The following CEP83 variants were observed in gnomAD, a reference collection of about 807,000 sequenced individuals.
The protein encoded by CEP83 is centrosomal protein 83.
In CEP83, 70 loss-of-function variants were observed where a neutral mutation model predicts 101.9. The observed-to-expected ratio is 0.69, with a 90% CI of 0.57 to 0.84. CEP83 has a LOEUF of 0.84. Ranked by LOEUF, CEP83 falls within the 40% of genes least tolerant of loss-of-function variation. The probability of loss-of-function intolerance (pLI) is 0.00; values close to 1 mark genes in which losing one functional copy is unlikely to be tolerated. For synonymous variants in CEP83, 264 were observed against 267.9 expected (o/e 0.99, Z 0.14); for missense variants, 715 against 787.2 (o/e 0.91, Z 1.10).
chr12:94,433,571 C>T (rs1333325784), intron 2 of CEP83, among the ~76,000 whole-genome samples: 1 of 151,784 alleles, frequency 6.6e-6, no homozygotes, highest in East Asian at 1.9e-4. Flanking sequence ...GTCCCAGCTA[C>T]TCAGGTGGCT....
rs1403568522 is a variant in CEP83 at position 94,412,569 on chromosome 12, A to G, written c.-79T>C. 6.2e-5 allele frequency: 84 copies of G among 1,354,144 alleles called. No individual in the cohort carries two copies. Among genetic ancestry groups the G allele is most frequent in the Non-Finnish European group, 8.4e-5 (82 of 972,188 alleles). 83.9% of individuals were successfully genotyped at this position (1,354,144 alleles called of 1,614,324 possible). On this transcript the variant is annotated 5_prime_UTR_variant, in exon 3 of 17. Transcript: ENST00000397809. ...TCCCACTCCTTTCTTGCTAAGGCAG[A>G]ATCTCAGGAAGCCAAATTATACCTG...
intron 6 of CEP83, among the ~76,000 whole-genome samples, chr12:94,391,258 A>G (rs2062511991): frequency 1.3e-5 from 2 of 152,354 alleles, no homozygotes; most frequent in South Asian, 4.1e-4. Flanking sequence ...AGGGAAGCCC[A>G]TCAAACTAAC....
the CEP83 span, among the ~76,000 whole-genome samples, chr12:94,281,290 AAAAC>A: frequency 1.3e-5 from 2 of 152,162 alleles, no homozygotes; most frequent in Non-Finnish European, 2.9e-5. Context: ...AAAAAAAACA[AAAAC>A]AAAACCAAAA....
chr12:94,401,919 C>T (rs538597093), intron 5 of CEP83, among the ~76,000 whole-genome samples: 4 of 152,216 alleles, frequency 2.6e-5, no homozygotes, highest in East Asian at 1.9e-4. Context: ...TTATAAAAGA[C>T]GATTCTACAA....
rs562772538 is a variant in CEP83, at chr12:94,329,198, GA to G, written c.1707+2501del. On this transcript the variant is annotated intron_variant, in intron 14 of 16. Transcript: ENST00000397809. ...TCATCATCTGGTAGACATTTCAGTAGAAAAAAAAATTCATCCTGTCACAATA... is the reference window on the plus strand; with the variant it reads ...TCATCATCTGGTAGACATTTCAGTAGAAAAAAAATTCATCCTGTCACAATA... Among the ~76,000 whole-genome samples the G allele has an allele frequency of 1.0e-3, 158 of 151,240 alleles. 1 individual carries two copies. Among genetic ancestry groups the G allele is most frequent in the East Asian group, 5.6e-3 (29 of 5,168 alleles).
chr12:94,380,978 A>G (rs1593561120), intron 6 of CEP83, among the ~76,000 whole-genome samples: 1 of 152,342 alleles, frequency 6.6e-6, no homozygotes, highest in African/African-American at 2.4e-5. Context: ...CCTAAACCAG[A>G]CATATCAAAT....
intron 6 of CEP83, among the ~76,000 whole-genome samples, chr12:94,387,975 T>C (rs989129800): frequency 2.0e-5 from 3 of 152,204 alleles, no homozygotes; most frequent in Non-Finnish European, 2.9e-5. Context: ...CATTATACAC[T>C]ATTGATGGCT....
intron 12 of CEP83, among the ~76,000 whole-genome samples, 156 bp downstream of exon 12, chr12:94,335,433 A>G (rs1305855123): frequency 6.6e-6 from 1 of 152,104 alleles, no homozygotes; most frequent in Non-Finnish European, 1.5e-5. Flanking sequence ...TAAACATTTT[A>G]AAACATTTTA....
chr12:94,298,571 T>C, the CEP83 span: 2 of 1,336,026 alleles, frequency 1.5e-6, no homozygotes, highest in African/African-American at 1.5e-5. Context: ...TTTGCTATTA[T>C]GTTTTCAAAA....
chr12:94,444,570 CTTT>C (rs1172203955), intron 1 of CEP83, among the ~76,000 whole-genome samples: 1 of 151,954 alleles, frequency 6.6e-6, no homozygotes, highest in Non-Finnish European at 1.5e-5. Flanking sequence ...CAAGAATCTT[CTTT>C]TATTTGTCAT....
In CEP83 at chr12:94,347,501, G is replaced by T. The variant is rs1013866911; in HGVS notation, c.1344-11837C>A. On this transcript the variant is annotated intron_variant, in intron 11 of 16. Coordinates refer to ENST00000397809, the MANE Select transcript of CEP83 (RefSeq NM_016122.3). ...TTCCACATTGGAAAACAGTATTTCT[G>T]TATGTTATAAAATTAAATATATACT... is the stretch of plus-strand genomic sequence containing the variant. Among the ~76,000 whole-genome samples, 24 of 152,210 alleles carry T rather than the reference G, an allele frequency of 1.6e-4. No individual in the cohort carries two copies. In the South Asian group the frequency reaches 1.7e-3, roughly 11 times the overall value.
At chr12:94,357,082 T>C (rs1268885267) in intron 11 of CEP83, among the ~76,000 whole-genome samples, 1 of 152,206 alleles carries the variant, frequency 6.6e-6, no homozygotes, top group Non-Finnish European at 1.5e-5. Context: ...TACAGGAGTC[T>C]CTTAAAAAGA....
At chr12:94,275,552 G>A in the CEP83 span, among the ~76,000 whole-genome samples, 2 of 152,168 alleles carry the variant, frequency 1.3e-5, no homozygotes, top group Admixed American at 6.5e-5. Context: ...CTGTACTTAC[G>A]CCTTAAGAAA....
chr12:94,363,051 G>C (rs1286792450), intron 11 of CEP83, among the ~76,000 whole-genome samples: 1 of 152,230 alleles, frequency 6.6e-6, no homozygotes, highest in Non-Finnish European at 1.5e-5. Context: ...AGGGAAGACA[G>C]AGGTTGGTTA....
At chr12:94,279,840 T>A in the CEP83 span, 3 of 701,408 alleles carry the variant, frequency 4.3e-6, no homozygotes, top group South Asian at 3.0e-5. Context: ...TCCTGATTCT[T>A]CGAAGGAAGC....
intron 2 of CEP83, among the ~76,000 whole-genome samples, chr12:94,429,061 A>C (rs1288417579): frequency 6.6e-6 from 1 of 152,224 alleles, no homozygotes; most frequent in East Asian, 1.9e-4. Flanking sequence ...TCTGGACTTA[A>C]AATTTTTTTA....
At chr12:94,334,644 A>G (rs1429267361) in intron 12 of CEP83, among the ~76,000 whole-genome samples, 1 of 152,188 alleles carries the variant, frequency 6.6e-6, no homozygotes, top group Non-Finnish European at 1.5e-5. Flanking sequence ...ATAAATGGGT[A>G]ATAATCTCAT....
intron 1 of CEP83, among the ~76,000 whole-genome samples, chr12:94,451,042 T>C (rs1281242318): frequency 6.6e-6 from 1 of 152,222 alleles, no homozygotes; most frequent in Non-Finnish European, 1.5e-5. Flanking sequence ...AACTGATATT[T>C]TACAAAGATG....
At chr12:94,353,611 A>G (rs2060301872) in intron 11 of CEP83, among the ~76,000 whole-genome samples, 1 of 152,172 alleles carries the variant, frequency 6.6e-6, no homozygotes, top group Non-Finnish European at 1.5e-5. Context: ...AACAGATTAC[A>G]TCCCCCAATT....
Sources: allele counts gnomAD v4.1 joint callset (sites outside exome capture counted in the v4.1 genomes callset), GRCh38; gene constraint gnomAD v4.1.1; transcripts MANE v1.5; gene names NCBI Gene and HGNC (gene_info 2026-07-23, HGNC 2026-07-21).